ZMIZ1: variants seen among roughly 807,000 people sequenced by gnomAD.
The protein encoded by ZMIZ1 is zinc finger MIZ-type containing 1.
Under a neutral mutation model 113.9 loss-of-function variants are expected in ZMIZ1, and 17 were observed. The ratio of observed to expected loss-of-function variants is 0.15; its 90% CI spans 0.10 to 0.22. The LOEUF is 0.22. ZMIZ1 is among the 10% of genes least tolerant of loss of function. ZMIZ1 has a pLI of 1.00. For synonymous variants in ZMIZ1, 607 were observed against 603.1 expected (o/e 1.01, Z -0.09); for missense variants, 1,059 against 1,477.8 (o/e 0.72, Z 4.65).
At chr10:79,253,865 C>T (rs1039223911) in intron 7 of ZMIZ1, among the ~76,000 whole-genome samples, 1 of 152,166 alleles carries the variant, frequency 6.6e-6, no homozygotes, top group African/African-American at 2.4e-5. Context: ...TGGCCCCACA[C>T]ACAGGTACAT....
intron 1 of ZMIZ1, among the ~76,000 whole-genome samples, chr10:79,116,404 C>CAG (rs978657895): frequency 2.6e-5 from 4 of 152,120 alleles, no homozygotes; most frequent in Non-Finnish European, 5.9e-5. Context: ...GACCCAGCCC[C>CAG]AGAGAGAGAA....
intron 1 of ZMIZ1, among the ~76,000 whole-genome samples, chr10:79,101,055 C>T (rs867831271): frequency 3.9e-5 from 6 of 152,178 alleles, no homozygotes; most frequent in African/African-American, 1.2e-4. Context: ...TGCAGACTGC[C>T]GAATCTTGAA....
At position 79,282,473 on chromosome 10, in the gene ZMIZ1, G is replaced by A. The variant is rs141570038; in HGVS notation, c.425+5148G>A. Among the ~76,000 whole-genome samples the A allele has an allele frequency of 2.8e-3, 427 of 152,324 alleles. 1 individual carries two copies. Among genetic ancestry groups the A allele is most frequent in the Non-Finnish European group, 4.4e-3 (299 of 68,038 alleles). On this transcript the variant is annotated intron_variant, in intron 8 of 24. Coordinates refer to ENST00000334512, the MANE Select transcript of ZMIZ1 (RefSeq NM_020338.4). Reference sequence around the variant, plus strand: ...GACACTTGCAGCCCCGCCCTGCCCCGAGGGACGGCAGACGCCTGGAGGGTC... The same window carrying A: ...GACACTTGCAGCCCCGCCCTGCCCCAAGGGACGGCAGACGCCTGGAGGGTC...
intron 2 of ZMIZ1, among the ~76,000 whole-genome samples, chr10:79,126,153 A>G (rs1226471173): frequency 6.6e-6 from 1 of 152,150 alleles, no homozygotes; most frequent in Non-Finnish European, 1.5e-5. Context: ...CCTGTCATCC[A>G]TTTACCCAGA....
intron 1 of ZMIZ1, among the ~76,000 whole-genome samples, chr10:79,070,126 G>T (rs1485477601): frequency 6.6e-6 from 1 of 150,516 alleles, no homozygotes; most frequent in East Asian, 2.0e-4. Flanking sequence ...AGGTTGGGGG[G>T]CCGGGGCTGG....
intron 21 of ZMIZ1, among the ~76,000 whole-genome samples, 177 bp downstream of exon 21, chr10:79,305,778 G>C (rs1854644967): frequency 6.6e-6 from 1 of 152,082 alleles, no homozygotes; most frequent in Admixed American, 6.5e-5. Context: ...GGGGACAAAT[G>C]AACTTCCCAG....
intron 3 of ZMIZ1, among the ~76,000 whole-genome samples, chr10:79,161,148 G>A (rs1026787045): frequency 1.3e-5 from 2 of 152,158 alleles, no homozygotes; most frequent in Non-Finnish European, 2.9e-5. Context: ...CAGTGCACCC[G>A]CAGGCCCTGC....
At chr10:79,269,811 T>C (rs955888527) in intron 7 of ZMIZ1, among the ~76,000 whole-genome samples, 3 of 152,238 alleles carry the variant, frequency 2.0e-5, no homozygotes, top group African/African-American at 7.2e-5. Flanking sequence ...TGGCTGCCTC[T>C]GCTTTCTTGC....
At chr10:79,181,706 C>A (rs945701607) in intron 4 of ZMIZ1, among the ~76,000 whole-genome samples, 1 of 73,704 alleles carries the variant, frequency 1.4e-5, no homozygotes, top group Non-Finnish European at 2.4e-5. Context: ...CTGCCTCAGG[C>A]CAGCCTCAGG....
intron 3 of ZMIZ1, among the ~76,000 whole-genome samples, chr10:79,144,045 A>G (rs1300067900): frequency 3.3e-5 from 5 of 152,196 alleles, no homozygotes; most frequent in Admixed American, 2.6e-4. Flanking sequence ...CTGATGATGC[A>G]TGGCTCCGTG....
chr10:79,290,928 C>T lies in ZMIZ1; in HGVS notation c.541-31C>T, dbSNP rs774423806. 6.2e-6 allele frequency: 10 copies of T among 1,608,088 alleles called. No individual in the cohort carries two copies. In the East Asian group the frequency reaches 1.8e-4, roughly 29 times the overall value. The stretch of plus-strand genomic sequence containing the variant: ...CCTCTCCACACTGCCTCGGGTAGCA[C>T]CTTAGGTGACAACCACTTCTCTGCC... On this transcript the variant is annotated intron_variant, in intron 9 of 24. Coordinates refer to ENST00000334512, the MANE Select transcript of ZMIZ1 (RefSeq NM_020338.4).
intron 7 of ZMIZ1, among the ~76,000 whole-genome samples, chr10:79,255,297 G>T (rs1203869185): frequency 6.6e-6 from 1 of 152,244 alleles, no homozygotes; most frequent in Non-Finnish European, 1.5e-5. Context: ...AATCCCAGAT[G>T]GGGAAGGCCG....
At chr10:79,220,975 G>A (rs528038887) in intron 7 of ZMIZ1, among the ~76,000 whole-genome samples, 1 of 152,218 alleles carries the variant, frequency 6.6e-6, no homozygotes, top group Admixed American at 6.5e-5. Context: ...GTGCGTGTCT[G>A]TGTGTGCATG....
intron 1 of ZMIZ1, among the ~76,000 whole-genome samples, chr10:79,100,679 G>T (rs1353090281): frequency 6.6e-6 from 1 of 152,236 alleles, no homozygotes; most frequent in Non-Finnish European, 1.5e-5. Flanking sequence ...GGGGTCCCAT[G>T]ATCCCTGCTG....
intron 1 of ZMIZ1, among the ~76,000 whole-genome samples, chr10:79,104,390 G>C (rs1327811538): frequency 6.6e-6 from 1 of 152,190 alleles, no homozygotes; most frequent in Admixed American, 6.5e-5. Context: ...ACACCAGGCT[G>C]CCTGGTTGGG....
At chr10:79,142,631 C>T (rs1373921003) in intron 3 of ZMIZ1, among the ~76,000 whole-genome samples, 1 of 152,220 alleles carries the variant, frequency 6.6e-6, no homozygotes, top group South Asian at 2.1e-4. Flanking sequence ...GAGACCACAC[C>T]GCCTTCCTGC....
chr10:79,208,562 G>C, intron 6 of ZMIZ1, 113 bp downstream of exon 6: 1 of 881,842 alleles, frequency 1.1e-6, no homozygotes, highest in Non-Finnish European at 1.7e-6. Flanking sequence ...ACACCAGTGA[G>C]AGAGCTGGGA....
chr10:79,225,979 AG>A (rs1849185621), intron 7 of ZMIZ1, among the ~76,000 whole-genome samples: 1 of 152,226 alleles, frequency 6.6e-6, no homozygotes, highest in African/African-American at 2.4e-5. Context: ...TTTAAGGGCG[AG>A]GGATGACAAG....
chr10:79,166,284 A>C (rs1262013882), intron 4 of ZMIZ1, among the ~76,000 whole-genome samples: 1 of 152,106 alleles, frequency 6.6e-6, no homozygotes, highest in African/African-American at 2.4e-5. Context: ...GCTTCTTGTC[A>C]TCCTCAGGGC....
Sources: allele counts gnomAD v4.1 joint callset (sites outside exome capture counted in the v4.1 genomes callset), GRCh38; gene constraint gnomAD v4.1.1; transcripts MANE v1.5; gene names NCBI Gene and HGNC (gene_info 2026-07-23, HGNC 2026-07-21).